Variants in AXIN1 observed in about 807,000 individuals in gnomAD.
AXIN1 encodes the protein axin-1.
AXIN1 carries 30 observed loss-of-function variants against 76.4 expected under a neutral mutation model. The observed-to-expected ratio is 0.39, with a 90% CI of 0.29 to 0.53. AXIN1 has a LOEUF of 0.53. Ranked by LOEUF, AXIN1 falls within the 20% of genes least tolerant of loss-of-function variation. The probability of loss-of-function intolerance (pLI) is 0.66; values close to 1 mark genes in which losing one functional copy is unlikely to be tolerated. For synonymous variants in AXIN1, 545 were observed against 501.4 expected (o/e 1.09, Z -1.16); for missense variants, 1,140 against 1,198.8 (o/e 0.95, Z 0.72).
intron 1 of AXIN1, among the ~76,000 whole-genome samples, chr16:347,947 A>G (rs2054066171): frequency 6.6e-6 from 1 of 152,278 alleles, no homozygotes; most frequent in African/African-American, 2.4e-5. Flanking sequence ...GAGAAGGTAC[A>G]GAATAAAAGG....
At chr16:338,024 G>A (rs1038259562) in intron 2 of AXIN1, among the ~76,000 whole-genome samples, 1 of 152,208 alleles carries the variant, frequency 6.6e-6, no homozygotes, top group African/African-American at 2.4e-5. Context: ...AAACTGAGGT[G>A]AAGCTGCTTC....
At chr16:344,373 T>C (rs1488809822) in intron 2 of AXIN1, among the ~76,000 whole-genome samples, 1 of 139,520 alleles carries the variant, frequency 7.2e-6, no homozygotes, top group Non-Finnish European at 1.5e-5. Context: ...GAGCTTGCAG[T>C]GAGCCGAGAT....
rs1354091342 is a variant in AXIN1 at position 289,619 on chromosome 16, G to A, written c.2295-12C>T. 6.2e-7 allele frequency: 1 copy of A among 1,612,490 alleles called. No individual in the cohort carries two copies. The highest frequency in any genetic ancestry group is 1.7e-5 in the Admixed American group (1 of 60,008). On this transcript the variant is annotated splice_polypyrimidine_tract_variant and intron_variant, in intron 9 of 10. Coordinates refer to ENST00000262320, the MANE Select transcript of AXIN1 (RefSeq NM_003502.4). ...TCTGCGATCTTGTCCTGGGGAAAGA[G>A]ATGCAGCGGTGGTACCTGGTTTTGG...
At chr16:314,228 G>C (rs2053247081) in intron 3 of AXIN1, among the ~76,000 whole-genome samples, 1 of 152,196 alleles carries the variant, frequency 6.6e-6, no homozygotes, top group African/African-American at 2.4e-5. Flanking sequence ...ACAAAGCTGA[G>C]CCCTCACTTG....
intron 10 of AXIN1, 66 bp from the exon 11 acceptor site, chr16:288,314 A>G (rs2052445373): frequency 1.3e-6 from 2 of 1,599,788 alleles, no homozygotes; most frequent in East Asian, 4.5e-5. Context: ...GGCCTGTGGC[A>G]GGGGACGGCG....
chr16:339,196 C>CAAAAAAAAAAA (rs1002630324), intron 2 of AXIN1, among the ~76,000 whole-genome samples: 3 of 34,672 alleles, frequency 8.7e-5, no homozygotes, highest in Admixed American at 3.3e-4. Context: ...AGCCTGGTCT[C>CAAAAAAAAAAA]AAAAAAAAAA....
chr16:320,743 A>ATATATATTTT (rs397722732), intron 2 of AXIN1, among the ~76,000 whole-genome samples: 17 of 107,626 alleles, frequency 1.6e-4, no homozygotes, highest in East Asian at 9.0e-4. Context: ...ATATATATAT[A>ATATATATTTT]TTTTTTTTTT....
At chr16:320,500 T>C (rs777130075) in intron 2 of AXIN1, among the ~76,000 whole-genome samples, 17 of 152,016 alleles carry the variant, frequency 1.1e-4, no homozygotes, top group Non-Finnish European at 2.4e-4. Flanking sequence ...GCTGTGATGG[T>C]TTCATGGAGA....
chr16:349,001 C>T (rs1289149536), intron 1 of AXIN1, among the ~76,000 whole-genome samples: 2 of 151,300 alleles, frequency 1.3e-5, no homozygotes, highest in African/African-American at 4.9e-5. Flanking sequence ...GGGAGACTGA[C>T]GTGGGAGAAT....
chr16:288,320 C>T (rs570019977), intron 10 of AXIN1, 72 bp from the exon 11 acceptor site: 48 of 1,588,088 alleles, frequency 3.0e-5, no homozygotes, highest in South Asian at 1.7e-4. Context: ...TGGCAGGGGA[C>T]GGCGTGTCCA....
intron 6 of AXIN1, among the ~76,000 whole-genome samples, 186 bp downstream of exon 6, chr16:297,536 A>G (rs1468617537): frequency 6.6e-6 from 1 of 151,618 alleles, no homozygotes; most frequent in African/African-American, 2.4e-5. Flanking sequence ...CCTAACCTTC[A>G]TCTCCCACCT....
intron 2 of AXIN1, among the ~76,000 whole-genome samples, chr16:333,052 G>T (rs1319680813): frequency 6.6e-6 from 1 of 152,072 alleles, no homozygotes; most frequent in African/African-American, 2.4e-5. Context: ...TAGCGAGGTG[G>T]GCCGGGTGCA....
intron 10 of AXIN1, 158 bp from the exon 11 acceptor site, chr16:288,406 G>A (rs1309272188): frequency 1.8e-6 from 2 of 1,098,804 alleles, no homozygotes; most frequent in African/African-American, 1.6e-5. Flanking sequence ...GGGCAACAGT[G>A]AACAGTGCAA....
chr16:335,247 T>G (rs1335696069), intron 2 of AXIN1, among the ~76,000 whole-genome samples: 1 of 152,228 alleles, frequency 6.6e-6, no homozygotes, highest in African/African-American at 2.4e-5. Context: ...GGTGCAAGCC[T>G]GACACTGCAT....
At chr16:349,957 G>A (rs1005171795) in intron 1 of AXIN1, among the ~76,000 whole-genome samples, 32 of 152,096 alleles carry the variant, frequency 2.1e-4, no homozygotes, top group African/African-American at 4.6e-4. Context: ...AGTCATCAAC[G>A]CCCGGCTAAT....
In AXIN1 at chr16:320,742, TA is replaced by T. The variant is rs1359561670; in HGVS notation, c.879-6060del. Among the ~76,000 whole-genome samples, 692 of 88,226 alleles carry T rather than the reference TA, an allele frequency of 7.8e-3. 7 individuals carry two copies. Among genetic ancestry groups the T allele is most frequent in the African/African-American group, 0.027 (454 of 16,732 alleles). 57.9% of individuals were successfully genotyped at this position (88,226 alleles called of 152,430 possible). ...GTGTGTGTATATATATATATATATA[TA>T]TTTTTTTTTTTTTTGAGACGGAGCC... On this transcript the variant is annotated intron_variant, in intron 2 of 10. Transcript: ENST00000262320.
chr16:317,729 G>A (rs926058244), intron 2 of AXIN1, among the ~76,000 whole-genome samples: 1 of 152,214 alleles, frequency 6.6e-6, no homozygotes, highest in Non-Finnish European at 1.5e-5. Flanking sequence ...TTTGCTTTAA[G>A]CATCATGCAG....
intron 2 of AXIN1, among the ~76,000 whole-genome samples, chr16:341,589 C>T (rs974165939): frequency 9.2e-5 from 14 of 152,242 alleles, no homozygotes; most frequent in Non-Finnish European, 1.3e-4. Context: ...CCCCGACGAG[C>T]GCCCGGTCCC....
At chr16:326,707 T>C (rs1228881061) in intron 2 of AXIN1, among the ~76,000 whole-genome samples, 3 of 149,834 alleles carry the variant, frequency 2.0e-5, no homozygotes, top group Admixed American at 6.7e-5. Context: ...ATCGCGCCAC[T>C]GCACTCCAGC....
Sources: gnomAD v4.1 joint callset for allele counts (sites outside exome capture counted in the v4.1 genomes callset) on GRCh38, gnomAD v4.1.1 for gene constraint, MANE v1.5 for transcripts, NCBI Gene and HGNC (gene_info 2026-07-23, HGNC 2026-07-21) for gene names.